INPP4B: variants seen among roughly 807,000 people sequenced by gnomAD.
INPP4B encodes the protein inositol polyphosphate-4-phosphatase type II B.
INPP4B carries 55 observed loss-of-function variants against 122.5 expected under a neutral mutation model. The observed-to-expected ratio is 0.45, with a 90% CI of 0.36 to 0.56. The LOEUF is 0.56. Among genes scored for constraint, INPP4B ranks in the 20% least tolerant of loss-of-function variants. INPP4B has a pLI of 0.00. For synonymous variants in INPP4B, 403 were observed against 388.7 expected (o/e 1.04, Z -0.43); for missense variants, 1,000 against 1,097.7 (o/e 0.91, Z 1.26).
chr4:142,656,309 G>T, intron 2 of INPP4B, among the ~76,000 whole-genome samples: 1 of 152,268 alleles, frequency 6.6e-6, no homozygotes, highest in East Asian at 1.9e-4. Flanking sequence ...TAAGAATCCC[G>T]TCTGTAGCAG....
intron 2 of INPP4B, among the ~76,000 whole-genome samples, chr4:142,717,668 C>T (rs893327997): frequency 3.9e-5 from 6 of 152,050 alleles, no homozygotes; most frequent in Non-Finnish European, 8.8e-5. Context: ...CATGTTGTCA[C>T]TCATAGGTGG....
At chr4:142,624,473 T>C (rs146277192) in intron 2 of INPP4B, among the ~76,000 whole-genome samples, 1,653 of 152,116 alleles carry the variant, frequency 0.011, 29 homozygotes, top group African/African-American at 0.038. Context: ...TATTAGCCCT[T>C]TGTCAGATGA....
intron 10 of INPP4B, among the ~76,000 whole-genome samples, chr4:142,260,885 A>G (rs1739635267): frequency 1.3e-5 from 2 of 152,238 alleles, no homozygotes; most frequent in East Asian, 3.8e-4. Context: ...AAGCTGAATC[A>G]TTTTGTATTT....
chr4:142,419,886 T>G (rs17715469), intron 5 of INPP4B, among the ~76,000 whole-genome samples: 15,254 of 152,046 alleles, frequency 0.1, 890 homozygotes, highest in Non-Finnish European at 0.14. Flanking sequence ...TGGTGGCTTT[T>G]GATTTTACAG....
At chr4:142,202,665 G>T in intron 14 of INPP4B, 1 of 862,644 alleles carries the variant, frequency 1.2e-6, no homozygotes, top group Non-Finnish European at 1.4e-6. Flanking sequence ...GCTACTGTTG[G>T]ACCTGATTTC....
chr4:142,731,965 TC>T (rs1207820689), intron 1 of INPP4B, among the ~76,000 whole-genome samples: 1 of 152,092 alleles, frequency 6.6e-6, no homozygotes, highest in East Asian at 1.9e-4. Flanking sequence ...GTGGACTTGG[TC>T]CCACCTAGTA....
intron 1 of INPP4B, among the ~76,000 whole-genome samples, chr4:142,760,581 C>A (rs1348844698): frequency 1.3e-5 from 2 of 152,002 alleles, no homozygotes; most frequent in African/African-American, 4.8e-5. Context: ...AAAATTTATA[C>A]TTTCAACTAC....
intron 2 of INPP4B, among the ~76,000 whole-genome samples, chr4:142,718,197 G>A (rs1764051884): frequency 6.6e-6 from 1 of 152,174 alleles, no homozygotes; most frequent in African/African-American, 2.4e-5. Flanking sequence ...TTGAATTTAT[G>A]AAATAGCCCA....
intron 12 of INPP4B, among the ~76,000 whole-genome samples, chr4:142,233,251 A>G (rs1855238114): frequency 6.6e-6 from 1 of 151,996 alleles, no homozygotes; most frequent in Non-Finnish European, 1.5e-5. Flanking sequence ...CAGGTCCTAT[A>G]CAGAACAATA....
In INPP4B at chr4:142,429,599, T is replaced by C. The variant is rs192504957; in HGVS notation, c.92-382A>G. Among the ~76,000 whole-genome samples the C allele has an allele frequency of 3.4e-4, 52 of 152,120 alleles. No individual in the cohort carries two copies. The East Asian group carries it at 8.5e-3, about 25-fold the overall frequency. ...AATACTCTCTTAAATGGATTTTTTTTCCAAGCCACTCTAACCTGCTGTAAA... is the reference window on the plus strand; with the variant it reads ...AATACTCTCTTAAATGGATTTTTTTCCCAAGCCACTCTAACCTGCTGTAAA... On this transcript the variant is annotated intron_variant, in intron 4 of 25. Coordinates refer to ENST00000262992, the MANE Select transcript of INPP4B (RefSeq NM_001101669.3).
At chr4:142,577,144 T>A (rs1167573788) in intron 2 of INPP4B, among the ~76,000 whole-genome samples, 1 of 152,050 alleles carries the variant, frequency 6.6e-6, no homozygotes, top group African/African-American at 2.4e-5. Context: ...TTCAACTATA[T>A]GTACATTTTT....
intron 18 of INPP4B, among the ~76,000 whole-genome samples, chr4:142,128,564 A>G (rs893331339): frequency 2.0e-5 from 3 of 152,122 alleles, no homozygotes; most frequent in East Asian, 1.9e-4. Flanking sequence ...TAGTGTGTCT[A>G]TAAGAACTTG....
intron 2 of INPP4B, among the ~76,000 whole-genome samples, chr4:142,642,308 T>C (rs1305810019): frequency 3.9e-5 from 6 of 152,246 alleles, no homozygotes; most frequent in Non-Finnish European, 8.8e-5. Context: ...TTTGTTGCCA[T>C]TGCTTTTGGT....
intron 18 of INPP4B, 62 bp downstream of exon 18, chr4:142,145,778 T>C: frequency 6.6e-7 from 1 of 1,519,548 alleles, no homozygotes; most frequent in Non-Finnish European, 9.0e-7. Context: ...TATCATTTTT[T>C]TTTCACGAGT....
At chr4:142,123,259 T>C in intron 20 of INPP4B, 33 bp downstream of exon 20, 7 of 1,509,630 alleles carry the variant, frequency 4.6e-6, no homozygotes, top group Non-Finnish European at 6.3e-6. Flanking sequence ...TGAATAGAAA[T>C]GTGATTTTAA....
intron 2 of INPP4B, among the ~76,000 whole-genome samples, chr4:142,671,070 T>C (rs1278114484): frequency 2.0e-5 from 3 of 152,078 alleles, no homozygotes; most frequent in African/African-American, 7.2e-5. Context: ...TTTTGCCCAG[T>C]GTGGAAGATA....
intron 1 of INPP4B, among the ~76,000 whole-genome samples, chr4:142,733,554 G>T (rs1766398783): frequency 1.3e-5 from 2 of 152,044 alleles, no homozygotes; most frequent in South Asian, 4.1e-4. Flanking sequence ...CTTTTGGAAT[G>T]CAAGCTAAAA....
At chr4:142,700,335 GT>G (rs1221525425) in intron 2 of INPP4B, among the ~76,000 whole-genome samples, 6 of 152,178 alleles carry the variant, frequency 3.9e-5, no homozygotes, top group African/African-American at 1.4e-4. Flanking sequence ...GAGAGCACTA[GT>G]TGGACACATT....
At chr4:142,068,922 A>G (rs1056370248) in intron 25 of INPP4B, among the ~76,000 whole-genome samples, 4 of 152,174 alleles carry the variant, frequency 2.6e-5, no homozygotes, top group Non-Finnish European at 5.9e-5. Flanking sequence ...AGACAGATCA[A>G]CAAGACAGAA....
Sources: gnomAD v4.1 joint callset for allele counts (sites outside exome capture counted in the v4.1 genomes callset) on GRCh38, gnomAD v4.1.1 for gene constraint, MANE v1.5 for transcripts, NCBI Gene and HGNC (gene_info 2026-07-23, HGNC 2026-07-21) for gene names.